The following HEMK2 variants were observed in gnomAD, a reference collection of about 807,000 sequenced individuals.
HEMK2 encodes the protein HemK methyltransferase 2, ETF1 glutamine and histone H4 lysine.
the HEMK2 span, among the ~76,000 whole-genome samples, chr21:28,750,098 G>A: frequency 1.6e-4 from 24 of 152,286 alleles, no homozygotes; most frequent in Non-Finnish European, 2.5e-4. Context: ...AATACACAGA[G>A]AGTAGACTAA....
the HEMK2 span, among the ~76,000 whole-genome samples, chr21:28,622,085 G>A: frequency 2.6e-5 from 4 of 152,026 alleles, no homozygotes; most frequent in African/African-American, 9.7e-5. Flanking sequence ...CACGTGAGAT[G>A]GGTCAGCCCA....
At chr21:28,860,638 A>C in the HEMK2 span, among the ~76,000 whole-genome samples, 1 of 152,092 alleles carries the variant, frequency 6.6e-6, no homozygotes, top group Non-Finnish European at 1.5e-5. Flanking sequence ...GATTGCCCTG[A>C]GTGACAGTCT....
the HEMK2 span, among the ~76,000 whole-genome samples, chr21:28,616,768 T>C: frequency 6.6e-6 from 1 of 152,256 alleles, no homozygotes; most frequent in African/African-American, 2.4e-5. Context: ...TTTGCTATTC[T>C]AGTTTCTCAT....
the HEMK2 span, among the ~76,000 whole-genome samples, chr21:28,634,982 T>C: frequency 6.6e-6 from 1 of 152,078 alleles, no homozygotes; most frequent in Non-Finnish European, 1.5e-5. Context: ...AAAAACAATA[T>C]AGCATAGACT....
chr21:28,674,199 C>G, the HEMK2 span, among the ~76,000 whole-genome samples: 1 of 152,204 alleles, frequency 6.6e-6, no homozygotes, highest in African/African-American at 2.4e-5. Flanking sequence ...ATGGCAACAT[C>G]AGGAAGTTAC....
the HEMK2 span, among the ~76,000 whole-genome samples, chr21:28,643,653 A>G: frequency 1.3e-5 from 2 of 152,178 alleles, no homozygotes; most frequent in Non-Finnish European, 2.9e-5. Context: ...ACTCCAGCCT[A>G]GGCAACAGAG....
the HEMK2 span, among the ~76,000 whole-genome samples, chr21:28,608,314 T>C: frequency 6.6e-6 from 1 of 152,044 alleles, no homozygotes; most frequent in Admixed American, 6.5e-5. Flanking sequence ...AGGGTATCAA[T>C]TGCATTTTTT....
At chr21:28,604,661 G>A in the HEMK2 span, among the ~76,000 whole-genome samples, 2 of 152,232 alleles carry the variant, frequency 1.3e-5, no homozygotes, top group African/African-American at 4.8e-5. Flanking sequence ...AGTTCTATAA[G>A]TTGTAATGAC....
At chr21:28,767,247 T>A in the HEMK2 span, among the ~76,000 whole-genome samples, 1 of 151,910 alleles carries the variant, frequency 6.6e-6, no homozygotes, top group Non-Finnish European at 1.5e-5. Flanking sequence ...TGTACGTAAG[T>A]CCAATTAAAC....
the HEMK2 span, among the ~76,000 whole-genome samples, chr21:28,777,520 C>T: frequency 6.6e-6 from 1 of 152,164 alleles, no homozygotes; most frequent in African/African-American, 2.4e-5. Flanking sequence ...ACATAATTCA[C>T]TCTCTGGGGT....
chr21:28,645,152 C>A, the HEMK2 span, among the ~76,000 whole-genome samples: 4 of 152,262 alleles, frequency 2.6e-5, no homozygotes, highest in East Asian at 7.7e-4. Context: ...GGCACATTTT[C>A]CTGCCAGACT....
the HEMK2 span, among the ~76,000 whole-genome samples, chr21:28,754,477 G>C: frequency 1.3e-5 from 2 of 152,178 alleles, no homozygotes; most frequent in African/African-American, 4.8e-5. Context: ...AAAATATTCT[G>C]TTTTATCAAA....
chr21:28,675,158 G>A, the HEMK2 span, among the ~76,000 whole-genome samples: 1 of 152,122 alleles, frequency 6.6e-6, no homozygotes, highest in African/African-American at 2.4e-5. Context: ...TGGCTTATTT[G>A]TCCATGTCTT....
At chr21:28,871,090 T>C in the HEMK2 span, among the ~76,000 whole-genome samples, 1 of 152,236 alleles carries the variant, frequency 6.6e-6, no homozygotes, top group Admixed American at 6.5e-5. Flanking sequence ...TTTATACTTG[T>C]ATTTTTCTTT....
At chr21:28,718,336 C>T in the HEMK2 span, among the ~76,000 whole-genome samples, 1 of 152,068 alleles carries the variant, frequency 6.6e-6, no homozygotes, top group Non-Finnish European at 1.5e-5. Context: ...TGCTTTATGG[C>T]TGAAGATGTG....
At chr21:28,768,805 A>T in the HEMK2 span, among the ~76,000 whole-genome samples, 3 of 152,028 alleles carry the variant, frequency 2.0e-5, no homozygotes, top group Non-Finnish European at 4.4e-5. Context: ...TGGACACAGG[A>T]TCTTTAAAAA....
chr21:28,596,031 G>A, the HEMK2 span, among the ~76,000 whole-genome samples: 11,858 of 148,674 alleles, frequency 0.08, 637 homozygotes, highest in Non-Finnish European at 0.12. Flanking sequence ...TGATCTGCCC[G>A]CCTTGGCCTC....
At chr21:28,801,770 A>C in the HEMK2 span, among the ~76,000 whole-genome samples, 1 of 152,206 alleles carries the variant, frequency 6.6e-6, no homozygotes, top group Non-Finnish European at 1.5e-5. Flanking sequence ...CAAATGATTT[A>C]AACAAATAGC....
chr21:28,634,926 G>C, the HEMK2 span, among the ~76,000 whole-genome samples: 3 of 152,068 alleles, frequency 2.0e-5, no homozygotes, highest in African/African-American at 7.2e-5. Context: ...CTTTAACTCA[G>C]AGTTAAAGCC....
Sources: allele counts gnomAD v4.1 joint callset (sites outside exome capture counted in the v4.1 genomes callset), GRCh38; gene constraint gnomAD v4.1.1; transcripts MANE v1.5; gene names NCBI Gene and HGNC (gene_info 2026-07-23, HGNC 2026-07-21).